Variants in KBTBD12 observed in about 807,000 individuals in gnomAD.
The protein encoded by KBTBD12 is kelch repeat and BTB domain-containing protein 12.
In KBTBD12, 53 loss-of-function variants were observed where a neutral mutation model predicts 58.7. The observed-to-expected ratio is 0.90, with a 90% CI of 0.72 to 1.14. The LOEUF is 1.14. Among genes scored for constraint, KBTBD12 ranks in the 50% most tolerant of loss-of-function variants. The probability of loss-of-function intolerance (pLI) is 0.00; values close to 1 mark genes in which losing one functional copy is unlikely to be tolerated. For synonymous variants in KBTBD12, 236 were observed against 259.8 expected (o/e 0.91, Z 0.88); for missense variants, 704 against 751.3 (o/e 0.94, Z 0.74).
At chr3:127,933,948 G>C (rs1443826480) in intron 4 of KBTBD12, among the ~76,000 whole-genome samples, 1 of 151,862 alleles carries the variant, frequency 6.6e-6, no homozygotes, top group East Asian at 1.9e-4. Context: ...AACCCTCAAG[G>C]AAAACAATAA....
At position 127,986,318 on chromosome 3, in the gene KBTBD12, A is replaced by T. The variant is rs185644141; in HGVS notation, c.*2040A>T. 202 of 152,722 alleles carry T rather than the reference A, an allele frequency of 1.3e-3. No homozygotes were observed. Among genetic ancestry groups the T allele is most frequent in the African/African-American group, 4.7e-3 (195 of 41,570 alleles). 9.5% of individuals were successfully genotyped at this position (152,722 alleles called of 1,614,324 possible). On this transcript the variant is annotated 3_prime_UTR_variant, in exon 6 of 6. Coordinates refer to ENST00000405109, the MANE Select transcript of KBTBD12 (RefSeq NM_207335.4). ...GGGTTGGTATGAGGATTAAGTGCTG[A>T]GCAAAGTGCCTGTGAAATCCTGAAA...
In KBTBD12 at chr3:127,929,331, T is replaced by C. The variant is rs184912423; in HGVS notation, c.1342-802T>C. 4.7e-4 allele frequency among the ~76,000 whole-genome samples: 72 copies of C among 152,326 alleles called. 1 individual carries two copies. Among genetic ancestry groups the C allele is most frequent in the African/African-American group, 1.6e-3 (68 of 41,564 alleles). ...ATTTAAAGTGGTTAACTAAAATTAA[T>C]TGCATAAACTTTCATAAGTATGCCA... is the stretch of plus-strand genomic sequence containing the variant. On this transcript the variant is annotated intron_variant, in intron 3 of 5. Transcript: ENST00000405109.
At chr3:127,967,552 A>T (rs952626715) in intron 5 of KBTBD12, among the ~76,000 whole-genome samples, 1 of 152,184 alleles carries the variant, frequency 6.6e-6, no homozygotes, top group Non-Finnish European at 1.5e-5. Flanking sequence ...CCTTCATCTG[A>T]CAAAGCAAGA....
rs941423430 is a variant in KBTBD12 at position 127,933,179 on chromosome 3, A to C, written c.1492+2896A>C. ...ATCAATCATAAATAACAAATTGAGAATAGTTTCTTTATTTAAAAACAATAC... is the reference window on the plus strand; with the variant it reads ...ATCAATCATAAATAACAAATTGAGACTAGTTTCTTTATTTAAAAACAATAC... On this transcript the variant is annotated intron_variant, in intron 4 of 5. Transcript: ENST00000405109. Among the ~76,000 whole-genome samples the C allele has an allele frequency of 4.6e-5, 7 of 152,312 alleles. No individual in the cohort carries two copies. In the South Asian group the frequency reaches 1.2e-3, roughly 27 times the overall value.
intron 5 of KBTBD12, among the ~76,000 whole-genome samples, chr3:127,966,515 T>G (rs939578214): frequency 6.6e-6 from 1 of 152,190 alleles, no homozygotes; most frequent in Admixed American, 6.5e-5. Flanking sequence ...TTAAAAAATA[T>G]AGCAGAAATT....
At chr3:127,945,643 T>C (rs952139121) in intron 4 of KBTBD12, among the ~76,000 whole-genome samples, 77 of 151,740 alleles carry the variant, frequency 5.1e-4, no homozygotes, top group African/African-American at 1.8e-3. Flanking sequence ...TTGGGTTATG[T>C]TTTTGTTGAG....
chr3:127,951,563 T>A (rs902254282), intron 4 of KBTBD12, among the ~76,000 whole-genome samples: 1 of 152,190 alleles, frequency 6.6e-6, no homozygotes, highest in African/African-American at 2.4e-5. Flanking sequence ...CATTGATTGA[T>A]TAATCAGGAT....
At position 127,974,580 on chromosome 3, in the gene KBTBD12, A is replaced by G. The variant is rs78466216; in HGVS notation, c.1691-9517A>G. On this transcript the variant is annotated intron_variant, in intron 5 of 5. Coordinates refer to ENST00000405109, the MANE Select transcript of KBTBD12 (RefSeq NM_207335.4). The stretch of plus-strand genomic sequence containing the variant: ...CATCCCCAAATCCTGGAGACTCACC[A>G]CATTCATTCACAACCTGATTGCTCA... Among the ~76,000 whole-genome samples, 730 of 152,338 alleles carry G rather than the reference A, an allele frequency of 4.8e-3. 2 individuals are homozygous for G. The highest frequency in any genetic ancestry group is 0.024 in the Middle Eastern group (7 of 294).
At chr3:127,975,725 AC>A (rs1229571646) in intron 5 of KBTBD12, among the ~76,000 whole-genome samples, 3 of 152,194 alleles carry the variant, frequency 2.0e-5, no homozygotes, top group Admixed American at 2.0e-4. Context: ...TGAAAAATTG[AC>A]ACTGATTTGT....
chr3:127,964,058 T>G (rs926036213), intron 5 of KBTBD12, among the ~76,000 whole-genome samples: 9 of 152,208 alleles, frequency 5.9e-5, no homozygotes, highest in Admixed American at 1.3e-4. Flanking sequence ...TTTTTTAATG[T>G]AACAATGAGA....
chr3:127,961,402 TA>T (rs1940436118), intron 4 of KBTBD12, among the ~76,000 whole-genome samples: 2 of 152,178 alleles, frequency 1.3e-5, no homozygotes, highest in Non-Finnish European at 2.9e-5. Flanking sequence ...TCCAGTCGGA[TA>T]AGAGAGAAGG....
intron 5 of KBTBD12, among the ~76,000 whole-genome samples, chr3:127,978,067 C>T (rs1940815181): frequency 6.6e-6 from 1 of 152,316 alleles, no homozygotes; most frequent in Admixed American, 6.5e-5. Flanking sequence ...ATCCCAGCAC[C>T]ATTTATTGAA....
intron 4 of KBTBD12, among the ~76,000 whole-genome samples, chr3:127,954,594 A>G (rs1940280941): frequency 6.6e-6 from 1 of 152,220 alleles, no homozygotes; most frequent in Non-Finnish European, 1.5e-5. Flanking sequence ...ATTTCCATCA[A>G]GTGTTCTTAA....
intron 4 of KBTBD12, among the ~76,000 whole-genome samples, chr3:127,937,907 A>G (rs1435093104): frequency 6.6e-6 from 1 of 152,226 alleles, no homozygotes; most frequent in African/African-American, 2.4e-5. Context: ...TGCATGTTTA[A>G]TGTGCTAGGA....
At chr3:127,982,952 C>T (rs1940898662) in intron 5 of KBTBD12, among the ~76,000 whole-genome samples, 1 of 152,238 alleles carries the variant, frequency 6.6e-6, no homozygotes, top group Non-Finnish European at 1.5e-5. Flanking sequence ...CAGGACCCCA[C>T]CTGAATGTGA....
chr3:127,949,151 A>G (rs1288485872), intron 4 of KBTBD12, among the ~76,000 whole-genome samples: 2 of 152,202 alleles, frequency 1.3e-5, no homozygotes, highest in Non-Finnish European at 2.9e-5. Context: ...GGCCTATACA[A>G]ATCTAGGGGT....
intron 2 of KBTBD12, among the ~76,000 whole-genome samples, chr3:127,924,885 T>C (rs1939527393): frequency 6.6e-6 from 1 of 152,224 alleles, no homozygotes; most frequent in South Asian, 2.1e-4. Flanking sequence ...TCAGCCCGTA[T>C]TAAATGAGTA....
At chr3:127,928,234 G>A in intron 3 of KBTBD12, 200 bp downstream of exon 3, 1 of 559,574 alleles carries the variant, frequency 1.8e-6, no homozygotes, top group Non-Finnish European at 3.2e-6. Flanking sequence ...TGTTTTCATA[G>A]ACATGACTTG....
chr3:127,974,779 C>A (rs1940749637), intron 5 of KBTBD12, among the ~76,000 whole-genome samples: 1 of 152,148 alleles, frequency 6.6e-6, no homozygotes, highest in Admixed American at 6.5e-5. Context: ...CGAGGTGAGA[C>A]CATCCTGGCT....
Sources: gnomAD v4.1 joint callset for allele counts (sites outside exome capture counted in the v4.1 genomes callset) on GRCh38, gnomAD v4.1.1 for gene constraint, MANE v1.5 for transcripts, NCBI Gene and HGNC (gene_info 2026-07-23, HGNC 2026-07-21) for gene names.